The following NRG3 variants were observed in gnomAD, a reference collection of about 807,000 sequenced individuals.
The protein encoded by NRG3 is pro-neuregulin-3, membrane-bound isoform.
Under a neutral mutation model 66.9 loss-of-function variants are expected in NRG3, and 31 were observed. The observed-to-expected ratio is 0.46, with a 90% CI of 0.35 to 0.63. NRG3 has a LOEUF of 0.63. Among genes scored for constraint, NRG3 ranks in the 20% least tolerant of loss-of-function variants. The probability of loss-of-function intolerance (pLI) is 0.00; values close to 1 mark genes in which losing one functional copy is unlikely to be tolerated. For missense variants in NRG3, 910 were observed against 878.9 expected (o/e 1.04, Z -0.45); for synonymous variants, 393 against 359.4 (o/e 1.09, Z -1.06).
chr10:82,081,405 A>G (rs2065385659), intron 1 of NRG3, among the ~76,000 whole-genome samples: 1 of 151,884 alleles, frequency 6.6e-6, no homozygotes, highest in Non-Finnish European at 1.5e-5. Flanking sequence ...AATGTTTTCC[A>G]CTTGTGGTCC....
intron 1 of NRG3, among the ~76,000 whole-genome samples, chr10:81,905,990 G>A (rs1049404280): frequency 3.3e-5 from 5 of 152,112 alleles, no homozygotes; most frequent in African/African-American, 4.8e-5. Flanking sequence ...TAAAGACTTC[G>A]GGATTAGAGT....
At chr10:82,351,811 C>T (rs1443737205) in intron 1 of NRG3, among the ~76,000 whole-genome samples, 3 of 152,232 alleles carry the variant, frequency 2.0e-5, no homozygotes, top group Non-Finnish European at 4.4e-5. Flanking sequence ...CACTCTGCAC[C>T]CACAAAAATG....
chr10:82,519,406 G>C (rs1565018700), intron 2 of NRG3, among the ~76,000 whole-genome samples: 1 of 152,174 alleles, frequency 6.6e-6, no homozygotes, highest in East Asian at 1.9e-4. Flanking sequence ...GAATATAGCA[G>C]ATTGTTCTGA....
intron 1 of NRG3, among the ~76,000 whole-genome samples, chr10:82,220,131 A>G (rs955368996): frequency 1.3e-5 from 2 of 152,050 alleles, no homozygotes; most frequent in Non-Finnish European, 2.9e-5. Context: ...GATAGGAGAA[A>G]AACCAAGAGT....
chr10:82,355,996 G>C (rs922564856), intron 1 of NRG3, among the ~76,000 whole-genome samples: 1 of 152,182 alleles, frequency 6.6e-6, no homozygotes, highest in African/African-American at 2.4e-5. Context: ...AATTAATTTG[G>C]AGATTCTTTA....
intron 1 of NRG3, among the ~76,000 whole-genome samples, chr10:82,053,996 A>G (rs1027168001): frequency 3.3e-5 from 5 of 152,206 alleles, no homozygotes; most frequent in African/African-American, 4.8e-5. Context: ...CTAACCTATT[A>G]GGAGCAAAGT....
In NRG3 at chr10:82,349,577, C is replaced by T. The variant is rs374627042; in HGVS notation, c.824-9162C>T. ...ACAGAGGCAGGCAGGCCTCCTTGAG[C>T]TGTGGTGGGCTCCACCCAGTTCGAG... On this transcript the variant is annotated intron_variant, in intron 1 of 8. Transcript: ENST00000372141. Among the ~76,000 whole-genome samples, 389 of 152,092 alleles carry T rather than the reference C, an allele frequency of 2.6e-3. 11 individuals carry two copies. In the East Asian group the frequency reaches 0.049, roughly 19 times the overall value.
At chr10:82,487,963 T>C (rs993709705) in intron 2 of NRG3, among the ~76,000 whole-genome samples, 10 of 152,202 alleles carry the variant, frequency 6.6e-5, no homozygotes, top group Admixed American at 5.9e-4. Flanking sequence ...CTCAAGATTT[T>C]CATGTGTGAT....
chr10:82,366,717 T>C (rs1030432461), intron 2 of NRG3, among the ~76,000 whole-genome samples: 1 of 152,128 alleles, frequency 6.6e-6, no homozygotes, highest in East Asian at 1.9e-4. Flanking sequence ...TACACTTTCA[T>C]GTGAAAATGT....
intron 2 of NRG3, among the ~76,000 whole-genome samples, chr10:82,474,978 G>A (rs1346241346): frequency 1.4e-4 from 20 of 147,084 alleles, no homozygotes; most frequent in South Asian, 4.3e-4. Flanking sequence ...TTAATGTGCC[G>A]AAAGAAAAAA....
At chr10:82,981,201 C>CT (rs1167546638) in intron 8 of NRG3, among the ~76,000 whole-genome samples, 1 of 152,254 alleles carries the variant, frequency 6.6e-6, no homozygotes, top group Non-Finnish European at 1.5e-5. Context: ...CAATGCTTTG[C>CT]TTTTTTAACC....
rs997418498 is a variant in NRG3 at position 81,943,107 on chromosome 10, G to C, written c.823+66944G>C. ...TACACAAGTAGTAGTTGCATTAATT[G>C]CTGGGCATGGTGGCTCATGCCTGTA... On this transcript the variant is annotated intron_variant, in intron 1 of 8. Transcript: ENST00000372141. Among the ~76,000 whole-genome samples the C allele has an allele frequency of 2.0e-5, 3 of 152,080 alleles. No individual in the cohort carries two copies. In the East Asian group the frequency reaches 5.8e-4, roughly 29 times the overall value.
intron 2 of NRG3, among the ~76,000 whole-genome samples, chr10:82,530,450 T>C (rs1376070426): frequency 1.3e-5 from 2 of 152,044 alleles, no homozygotes; most frequent in Non-Finnish European, 2.9e-5. Flanking sequence ...CCCTCGTTTC[T>C]CTCTACAAGG....
intron 1 of NRG3, among the ~76,000 whole-genome samples, chr10:82,244,624 C>T (rs2077151839): frequency 6.6e-6 from 1 of 152,074 alleles, no homozygotes; most frequent in South Asian, 2.1e-4. Context: ...CAGCGGTCCA[C>T]AACCATTTTG....
At chr10:82,526,327 A>G (rs984997742) in intron 2 of NRG3, among the ~76,000 whole-genome samples, 12 of 151,826 alleles carry the variant, frequency 7.9e-5, no homozygotes, top group Non-Finnish European at 1.8e-4. Context: ...GGATAAAATA[A>G]TAAGAAAAAT....
chr10:82,643,517 T>C (rs1018048717), intron 2 of NRG3, among the ~76,000 whole-genome samples: 2 of 152,110 alleles, frequency 1.3e-5, no homozygotes, highest in Admixed American at 6.6e-5. Flanking sequence ...TACCACATGA[T>C]TGCCAAGGTT....
intron 2 of NRG3, among the ~76,000 whole-genome samples, chr10:82,610,388 A>G (rs2133488380): frequency 6.6e-6 from 1 of 152,232 alleles, no homozygotes; most frequent in Admixed American, 6.5e-5. Flanking sequence ...CTGTTATCAC[A>G]TTTTAATGTC....
intron 1 of NRG3, among the ~76,000 whole-genome samples, chr10:82,152,785 CCTT>C (rs557549723): frequency 1.3e-5 from 2 of 151,684 alleles, no homozygotes; most frequent in Non-Finnish European, 2.9e-5. Context: ...TTCTCCTTCT[CCTT>C]CTTCTTCCCC....
rs190351262 is a variant in NRG3 at position 82,731,246 on chromosome 10, A to C, written c.954-7331A>C. ...GCCAGGCATGGTGGCACATGCATGTAGTCCCAGCTACTGGGGAGGCTGAGG... is the reference window on the plus strand; with the variant it reads ...GCCAGGCATGGTGGCACATGCATGTCGTCCCAGCTACTGGGGAGGCTGAGG... On this transcript the variant is annotated intron_variant, in intron 2 of 8. Transcript: ENST00000372141. Among the ~76,000 whole-genome samples the C allele has an allele frequency of 6.1e-3, 934 of 151,956 alleles. 7 individuals are homozygous for C. Among genetic ancestry groups the C allele is most frequent in the Middle Eastern group, 0.01 (3 of 292 alleles).
Sources: allele counts gnomAD v4.1 joint callset (sites outside exome capture counted in the v4.1 genomes callset), GRCh38; gene constraint gnomAD v4.1.1; transcripts MANE v1.5; gene names NCBI Gene and HGNC (gene_info 2026-07-23, HGNC 2026-07-21).